Variants in SOBP observed in about 807,000 individuals in gnomAD.
SOBP encodes the protein sine oculis binding protein homolog, also known as sine oculis-binding protein homolog.
Under a neutral mutation model 53.6 loss-of-function variants are expected in SOBP, and 4 were observed. That is an observed-to-expected ratio of 0.07 (90% CI 0.04 to 0.17). The LOEUF (loss-of-function observed/expected upper bound fraction) is 0.17, where lower values mean the gene tolerates loss of function less well. Among genes scored for constraint, SOBP ranks in the 10% least tolerant of loss-of-function variants. The probability of loss-of-function intolerance (pLI) is 1.00; values close to 1 mark genes in which losing one functional copy is unlikely to be tolerated. For synonymous variants in SOBP, 584 were observed against 522.6 expected, an observed-to-expected ratio of 1.12 and a Z score of -1.60; for missense variants, 1,088 against 1,204.7, an observed-to-expected ratio of 0.90 and a Z score of 1.43.
At chr6:107,639,368 G>C (rs890476202) in intron 6 of SOBP, among the ~76,000 whole-genome samples, 2 of 152,036 alleles carry the variant, frequency 1.3e-5, no homozygotes, top group Non-Finnish European at 2.9e-5. Flanking sequence ...TTCTGTTCCT[G>C]GTTACCTGCC....
intron 3 of SOBP, among the ~76,000 whole-genome samples, chr6:107,531,007 C>T (rs942792467): frequency 2.6e-5 from 4 of 152,188 alleles, no homozygotes; most frequent in Admixed American, 2.0e-4. Flanking sequence ...AGAAAGACCC[C>T]GGAGCTGCCC....
chr6:107,530,748 C>T (rs939801351), intron 3 of SOBP, among the ~76,000 whole-genome samples: 4 of 152,086 alleles, frequency 2.6e-5, no homozygotes, highest in African/African-American at 9.7e-5. Context: ...GGAGCGTTGA[C>T]TTATTTAACA....
At position 107,661,038 on chromosome 6, in the gene SOBP, C is replaced by G. The variant is rs1772274471; in HGVS notation, c.*2835C>G. ...GGCCGAGGCACCCGGCTGTGGTTGTCCTGATAGCATTATTCATCTGGTCTT... is the reference window on the plus strand; with the variant it reads ...GGCCGAGGCACCCGGCTGTGGTTGTGCTGATAGCATTATTCATCTGGTCTT... On this transcript the variant is annotated 3_prime_UTR_variant, in exon 7 of 7. Coordinates refer to ENST00000317357, the MANE Select transcript of SOBP (RefSeq NM_018013.4). Among the ~76,000 whole-genome samples, 1 of 152,196 alleles carries G rather than the reference C, an allele frequency of 6.6e-6. No homozygotes were observed.
intron 6 of SOBP, among the ~76,000 whole-genome samples, chr6:107,652,211 T>C (rs1771831019): frequency 6.6e-6 from 1 of 152,190 alleles, no homozygotes. Context: ...GAAAATCTTC[T>C]GGAAAGGATT....
rs374155588 is a variant in SOBP at position 107,558,575 on chromosome 6, C to G, written c.573+24965C>G. 2.0e-5 allele frequency among the ~76,000 whole-genome samples: 3 copies of G among 151,844 alleles called. No individual in the cohort carries two copies. The East Asian group carries it at 5.8e-4, about 29-fold the overall frequency. ...GAGCCACCGCGCCCGGCCTAAAGAT[C>G]TAGTTCTTGAATAGCAAAGGGGCAG... is the stretch of plus-strand genomic sequence containing the variant. On this transcript the variant is annotated intron_variant, in intron 4 of 6. Transcript: ENST00000317357.
chr6:107,582,004 C>G lies in SOBP; in HGVS notation c.574-5076C>G, dbSNP rs543405027. On this transcript the variant is annotated intron_variant, in intron 4 of 6. Coordinates refer to ENST00000317357, the MANE Select transcript of SOBP (RefSeq NM_018013.4). ...CCCCGGCCCTGATTCCAGGCAGAAT[C>G]TTTGCTTGTTTTCAAAAGAAATCCT... Among the ~76,000 whole-genome samples the G allele has an allele frequency of 8.5e-5, 13 of 152,312 alleles. No homozygotes were observed. The South Asian group carries it at 2.7e-3, about 32-fold the overall frequency.
intron 5 of SOBP, among the ~76,000 whole-genome samples, chr6:107,620,308 G>A (rs1178326798): frequency 6.6e-6 from 1 of 152,156 alleles, no homozygotes; most frequent in East Asian, 1.9e-4. Context: ...GCTTCCCTGT[G>A]GTTTCTGCAC....
chr6:107,524,454 C>T (rs541642619), intron 3 of SOBP, among the ~76,000 whole-genome samples: 11 of 152,348 alleles, frequency 7.2e-5, no homozygotes, highest in African/African-American at 2.4e-4. Context: ...TTGTCTATGG[C>T]AGCCAGCCAG....
chr6:107,632,221 G>A (rs1290482544), intron 5 of SOBP, among the ~76,000 whole-genome samples: 2 of 152,000 alleles, frequency 1.3e-5, no homozygotes, highest in African/African-American at 4.8e-5. Context: ...ATTGGAACCA[G>A]TGCTTTATTG....
intron 4 of SOBP, among the ~76,000 whole-genome samples, chr6:107,535,349 C>T (rs184114190): frequency 3.9e-5 from 6 of 152,148 alleles, no homozygotes; most frequent in Non-Finnish European, 8.8e-5. Context: ...TAACTGGGAG[C>T]GAGGATAGGA....
chr6:107,507,986 A>G (rs1783046269), intron 3 of SOBP, among the ~76,000 whole-genome samples: 1 of 152,216 alleles, frequency 6.6e-6, no homozygotes, highest in Admixed American at 6.5e-5. Flanking sequence ...GGCTCCCTGT[A>G]AAATGTTGGA....
chr6:107,593,161 C>G (rs949965423), intron 5 of SOBP, among the ~76,000 whole-genome samples: 2 of 152,194 alleles, frequency 1.3e-5, no homozygotes, highest in Non-Finnish European at 2.9e-5. Flanking sequence ...TAAAGACCTT[C>G]TTGACCACAG....
intron 5 of SOBP, among the ~76,000 whole-genome samples, chr6:107,605,545 T>A (rs1172081322): frequency 6.6e-6 from 1 of 152,234 alleles, no homozygotes; most frequent in Admixed American, 6.5e-5. Context: ...CAGTGTGTCC[T>A]TAGAAGCTGA....
chr6:107,564,748 G>C (rs1784869723), intron 4 of SOBP, among the ~76,000 whole-genome samples: 1 of 152,230 alleles, frequency 6.6e-6, no homozygotes, highest in Non-Finnish European at 1.5e-5. Flanking sequence ...TGAAACTTCT[G>C]TGAGACTGGA....
chr6:107,580,155 C>G (rs922986134), intron 4 of SOBP, among the ~76,000 whole-genome samples: 1 of 152,152 alleles, frequency 6.6e-6, no homozygotes, highest in Admixed American at 6.6e-5. Flanking sequence ...TGCCTGGGTC[C>G]AGAGATGGAT....
chr6:107,495,298 C>A (rs1289654637), intron 1 of SOBP, among the ~76,000 whole-genome samples: 1 of 152,176 alleles, frequency 6.6e-6, no homozygotes, highest in Non-Finnish European at 1.5e-5. Flanking sequence ...CTGCCAAAGG[C>A]TCCAAGCTAA....
chr6:107,567,038 T>C (rs1488187211), intron 4 of SOBP, among the ~76,000 whole-genome samples: 1 of 152,260 alleles, frequency 6.6e-6, no homozygotes, highest in Non-Finnish European at 1.5e-5. Flanking sequence ...TGAAGTCCAT[T>C]ACACAGCATT....
chr6:107,621,775 A>G (rs1000438350), intron 5 of SOBP, among the ~76,000 whole-genome samples: 1 of 152,198 alleles, frequency 6.6e-6, no homozygotes, highest in African/African-American at 2.4e-5. Flanking sequence ...TAAAACATCC[A>G]TAGTGAGCTT....
At chr6:107,497,365 T>C (rs893081363) in intron 1 of SOBP, among the ~76,000 whole-genome samples, 1 of 152,240 alleles carries the variant, frequency 6.6e-6, no homozygotes, top group Non-Finnish European at 1.5e-5. Flanking sequence ...CAAATCCTTT[T>C]TATTGTCATT....
Sources: gnomAD v4.1 joint callset for allele counts (sites outside exome capture counted in the v4.1 genomes callset) on GRCh38, gnomAD v4.1.1 for gene constraint, MANE v1.5 for transcripts, NCBI Gene and HGNC (gene_info 2026-07-23, HGNC 2026-07-21) for gene names.